Variants in IFTAP observed in about 807,000 individuals in gnomAD.
The protein encoded by IFTAP is intraflagellar transport associated protein.
Under a neutral mutation model 19.4 loss-of-function variants are expected in IFTAP, and 19 were observed. The observed-to-expected ratio is 0.98, with a 90% confidence interval of 0.68 to 1.44. The LOEUF is 1.44. Among genes scored for constraint, IFTAP ranks in the 40% most tolerant of loss-of-function variants. The pLI, the probability that IFTAP is intolerant of heterozygous loss-of-function variation, is 0.00. For synonymous variants in IFTAP, 85 were observed against 83.5 expected, an observed-to-expected ratio of 1.02 and a Z score of -0.10; for missense variants, 240 against 253.6, an observed-to-expected ratio of 0.95 and a Z score of 0.36.
chr11:36,607,273 G>A (rs1851726921), intron 1 of IFTAP, among the ~76,000 whole-genome samples: 1 of 152,134 alleles, frequency 6.6e-6, no homozygotes, highest in Admixed American at 6.5e-5. Flanking sequence ...CATTTTTTGA[G>A]ATGCCATGCG....
Position 36,659,269 on chromosome 11 carries a change from A to G in IFTAP, c.*83A>G, listed in dbSNP as rs2133560654. On this transcript the variant is annotated 3_prime_UTR_variant, in exon 6 of 6. Transcript: ENST00000334307. ...CATTAGAATAAAAGATAAACCTACT[A>G]TAATTCCCTTTGTGGAAATTTACAT... 6 of 1,263,894 alleles carry G rather than the reference A, an allele frequency of 4.7e-6. No homozygotes were observed. The highest frequency in any genetic ancestry group is 4.2e-5 in the South Asian group (2 of 47,152). 78.3% of individuals were successfully genotyped at this position (1,263,894 alleles called of 1,614,324 possible).
At chr11:36,607,617 G>A (rs1031479379) in intron 1 of IFTAP, among the ~76,000 whole-genome samples, 1 of 151,432 alleles carries the variant, frequency 6.6e-6, no homozygotes, top group African/African-American at 2.4e-5. Flanking sequence ...TGAGCTTTTT[G>A]GTATTTTGGA....
chr11:36,636,923 G>GTT (rs10616172), intron 4 of IFTAP, among the ~76,000 whole-genome samples: 24 of 136,384 alleles, frequency 1.8e-4, no homozygotes, highest in Admixed American at 3.0e-4. Context: ...AAATCAGGAA[G>GTT]TTTTTTTTTT....
intron 1 of IFTAP, among the ~76,000 whole-genome samples, chr11:36,601,312 C>A (rs1467844263): frequency 6.6e-6 from 1 of 152,002 alleles, no homozygotes; most frequent in African/African-American, 2.4e-5. Flanking sequence ...ACAACTGAAA[C>A]TGACAAAGAA....
intron 2 of IFTAP, among the ~76,000 whole-genome samples, chr11:36,622,056 T>C (rs1406189166): frequency 6.6e-6 from 1 of 151,784 alleles, no homozygotes; most frequent in Non-Finnish European, 1.5e-5. Context: ...ACTTTTTCCT[T>C]CTTATTTTAC....
At chr11:36,617,025 A>C (rs1250846249) in intron 2 of IFTAP, among the ~76,000 whole-genome samples, 1 of 151,666 alleles carries the variant, frequency 6.6e-6, no homozygotes, top group Non-Finnish European at 1.5e-5. Context: ...GAATTGAGAC[A>C]TGCCATAAGC....
At chr11:36,633,249 G>C (rs374692544) in intron 2 of IFTAP, 35 bp from the exon 3 acceptor site, 2 of 1,418,076 alleles carry the variant, frequency 1.4e-6, no homozygotes, top group African/African-American at 3.5e-5. Flanking sequence ...TGGTATTGTG[G>C]ATGTTTTCTA....
At chr11:36,606,677 A>G (rs1371551129) in intron 1 of IFTAP, among the ~76,000 whole-genome samples, 1 of 152,242 alleles carries the variant, frequency 6.6e-6, no homozygotes, top group East Asian at 1.9e-4. Context: ...TTATGAGAAG[A>G]CATTTACAGG....
At chr11:36,647,791 C>T (rs1233925524) in intron 4 of IFTAP, among the ~76,000 whole-genome samples, 1 of 152,020 alleles carries the variant, frequency 6.6e-6, no homozygotes, top group Admixed American at 6.6e-5. Context: ...TGGGGGGACT[C>T]TTACGTTTGC....
At chr11:36,654,338 A>AT (rs1236009018) in intron 5 of IFTAP, among the ~76,000 whole-genome samples, 4 of 150,580 alleles carry the variant, frequency 2.7e-5, no homozygotes, top group South Asian at 2.1e-4. Flanking sequence ...ATTTTATTTT[A>AT]TTTTTTTATT....
intron 2 of IFTAP, among the ~76,000 whole-genome samples, chr11:36,622,210 T>C (rs1453709774): frequency 6.6e-6 from 1 of 151,932 alleles, no homozygotes; most frequent in African/African-American, 2.4e-5. Flanking sequence ...GTTTGAGTCC[T>C]ATATTCTTAC....
chr11:36,659,028 G>C lies in IFTAP; in HGVS notation c.508G>C (p.Asp170His). ...TTGTTACCTTTTATAGATACTTGGA[G>C]ATGAAGTTCAACTTTTTTCACTTGA... Reference protein sequence around the residue: ...MDKQTEEILGDEVQLFSLDEE... With the variant: ...MDKQTEEILGHEVQLFSLDEE... The change falls in exon 6 of 6, where the codon GAT (aspartate) becomes CAT (histidine). Residue 170 changes from aspartate (D) to histidine (H), a missense_variant. Asp to His is a moderately conservative substitution (Grantham distance 81, BLOSUM62 -1). Coordinates refer to ENST00000334307, the MANE Select transcript of IFTAP (RefSeq NM_138787.4). The C allele has an allele frequency of 6.3e-7, 1 of 1,593,344 alleles. No homozygotes were observed. The highest frequency in any genetic ancestry group is 8.6e-7 in the Non-Finnish European group (1 of 1,169,480).
chr11:36,617,011 A>G (rs1301056965), intron 2 of IFTAP, among the ~76,000 whole-genome samples: 2 of 151,724 alleles, frequency 1.3e-5, no homozygotes, highest in South Asian at 2.1e-4. Flanking sequence ...AAAATTTACT[A>G]TCTGAATTGA....
At chr11:36,613,470 A>T (rs1209052877) in intron 2 of IFTAP, among the ~76,000 whole-genome samples, 4 of 152,124 alleles carry the variant, frequency 2.6e-5, no homozygotes, top group Admixed American at 2.6e-4. Flanking sequence ...AAGATTAAAA[A>T]GTAAATAAAA....
At chr11:36,614,629 T>C (rs1045821888) in intron 2 of IFTAP, among the ~76,000 whole-genome samples, 4 of 148,438 alleles carry the variant, frequency 2.7e-5, no homozygotes, top group African/African-American at 1.0e-4. Flanking sequence ...TGTGAGATGG[T>C]ATCTCCTTGT....
At chr11:36,650,514 C>G (rs1853670707) in intron 5 of IFTAP, among the ~76,000 whole-genome samples, 1 of 146,414 alleles carries the variant, frequency 6.8e-6, no homozygotes, top group South Asian at 2.2e-4. Flanking sequence ...TTATTTGGTT[C>G]AGATTTTTTC....
At chr11:36,634,829 T>C (rs1017752997) in intron 3 of IFTAP, among the ~76,000 whole-genome samples, 2 of 152,204 alleles carry the variant, frequency 1.3e-5, no homozygotes, top group Admixed American at 6.5e-5. Context: ...TTTTTATTAA[T>C]TGATGTTTGA....
At chr11:36,620,050 A>G (rs938624583) in intron 2 of IFTAP, among the ~76,000 whole-genome samples, 5 of 152,192 alleles carry the variant, frequency 3.3e-5, no homozygotes, top group South Asian at 4.1e-4. Flanking sequence ...AATTAAAAAA[A>G]TTAATTAATC....
intron 4 of IFTAP, 152 bp downstream of exon 4, chr11:36,636,269 A>G (rs1852948193): frequency 3.2e-6 from 2 of 623,396 alleles, no homozygotes; most frequent in Non-Finnish European, 5.6e-6. Context: ...TTCAGTAACA[A>G]AAATTTCACC....
Sources: allele counts gnomAD v4.1 joint callset (sites outside exome capture counted in the v4.1 genomes callset), GRCh38; gene constraint gnomAD v4.1.1; transcripts MANE v1.5; gene names NCBI Gene and HGNC (gene_info 2026-07-23, HGNC 2026-07-21).